EHBP1: variants seen among roughly 807,000 people sequenced by gnomAD.
The protein encoded by EHBP1 is EH domain-binding protein 1.
EHBP1 carries 55 observed loss-of-function variants against 144.0 expected under a neutral mutation model. The ratio of observed to expected loss-of-function variants is 0.38; its 90% CI spans 0.31 to 0.48. The LOEUF is 0.48. EHBP1 is among the 20% of genes least tolerant of loss of function. The pLI, the probability that EHBP1 is intolerant of heterozygous loss-of-function variation, is 0.98. For missense variants in EHBP1, 1,200 were observed against 1,364.2 expected (o/e 0.88, Z 1.90); for synonymous variants, 469 against 472.7 (o/e 0.99, Z 0.10).
upstream of EHBP1, among the ~76,000 whole-genome samples, chr2:62,701,626 G>C (rs1365139857): frequency 6.6e-6 from 1 of 152,138 alleles, no homozygotes; most frequent in Non-Finnish European, 1.5e-5. Flanking sequence ...ATCTTGGGGT[G>C]GGGTATAAGA....
chr2:62,825,354 A>T (rs1248736542), intron 5 of EHBP1, among the ~76,000 whole-genome samples: 3 of 152,080 alleles, frequency 2.0e-5, no homozygotes, highest in Non-Finnish European at 4.4e-5. Flanking sequence ...ATGGAATGTT[A>T]AGTACTTTTG....
Position 63,045,526 on chromosome 2 carries a change from C to T in EHBP1, c.*26C>T. 1 of 1,571,722 alleles carries T rather than the reference C, an allele frequency of 6.4e-7. No individual in the cohort carries two copies. The highest frequency in any genetic ancestry group is 8.7e-7 in the Non-Finnish European group (1 of 1,146,052). On this transcript the variant is annotated 3_prime_UTR_variant, in exon 23 of 23. Transcript: ENST00000431489. The surrounding 1 kb of genome is among the most constrained non-coding windows in gnomAD (Gnocchi z 5.7). The stretch of plus-strand genomic sequence containing the variant: ...CCATCAGATCAGAAAGAATCTCTCC[C>T]AACATTTTAGAGTCTTGCTTCCCAA...
At position 62,733,963 on chromosome 2, in the gene EHBP1, G is replaced by A. The variant is rs181256301; in HGVS notation, c.105-13432G>A. 5.9e-5 allele frequency among the ~76,000 whole-genome samples: 9 copies of A among 152,228 alleles called. No individual in the cohort carries two copies. The East Asian group carries it at 1.7e-3, about 29-fold the overall frequency. On this transcript the variant is annotated intron_variant, in intron 2 of 22. Transcript: ENST00000431489. The stretch of plus-strand genomic sequence containing the variant: ...TGTCTGCCTTTCACTCCAGTTTTGG[G>A]GGTAGTGATTTGCCCTGTGACCTCA...
chr2:62,968,617 A>T (rs753350059), intron 14 of EHBP1, among the ~76,000 whole-genome samples: 2 of 152,200 alleles, frequency 1.3e-5, no homozygotes, highest in Non-Finnish European at 2.9e-5. Context: ...AGAACACTTT[A>T]ACACAAATAC....
intron 7 of EHBP1, among the ~76,000 whole-genome samples, chr2:62,847,162 C>G (rs950871262): frequency 6.6e-6 from 1 of 152,218 alleles, no homozygotes; most frequent in South Asian, 2.1e-4. Flanking sequence ...GAAATATACC[C>G]AAGCTTGGCC....
chr2:62,993,733 G>C, intron 17 of EHBP1, 65 bp downstream of exon 17: 4 of 739,766 alleles, frequency 5.4e-6, no homozygotes, highest in Non-Finnish European at 5.6e-6. Context: ...TCTATATATA[G>C]TATATATATA....
rs182516407 is a variant in EHBP1, at chr2:62,708,614, C to T, written c.104+1319C>T. 2.1e-3 allele frequency among the ~76,000 whole-genome samples: 316 copies of T among 152,224 alleles called. 2 individuals are homozygous for T. The highest frequency in any genetic ancestry group is 4.0e-3 in the Admixed American group (61 of 15,286). ...GTTAATACATTTAAAATGCTTGGAA[C>T]AGTGTCAGGGACATAGTGCCTAATA... On this transcript the variant is annotated intron_variant, in intron 2 of 22. Coordinates refer to ENST00000431489, the MANE Select transcript of EHBP1 (RefSeq NM_001142616.3).
At chr2:62,847,533 T>C (rs1009569481) in intron 7 of EHBP1, among the ~76,000 whole-genome samples, 6 of 152,090 alleles carry the variant, frequency 3.9e-5, no homozygotes, top group Non-Finnish European at 8.8e-5. Context: ...CTTACACTAA[T>C]CAAAATAGAT....
intron 14 of EHBP1, among the ~76,000 whole-genome samples, chr2:62,963,121 C>A (rs2058077250): frequency 6.6e-6 from 1 of 152,210 alleles, no homozygotes; most frequent in South Asian, 2.1e-4. Flanking sequence ...TCTTAGTTAA[C>A]TGCTAAGACC....
chr2:62,752,385 T>A (rs896685250), intron 3 of EHBP1, among the ~76,000 whole-genome samples: 8 of 152,100 alleles, frequency 5.3e-5, no homozygotes, highest in Admixed American at 3.3e-4. Context: ...TGCTGAGGAG[T>A]GCTTTACTTC....
At chr2:62,778,939 C>T in intron 5 of EHBP1, among the ~76,000 whole-genome samples, 1 of 151,826 alleles carries the variant, frequency 6.6e-6, no homozygotes, top group South Asian at 2.1e-4. Flanking sequence ...ATATCTTTTT[C>T]AGAAACTGTA....
intron 19 of EHBP1, among the ~76,000 whole-genome samples, chr2:63,033,988 C>G (rs2061365439): frequency 6.6e-6 from 1 of 151,988 alleles, no homozygotes; most frequent in Admixed American, 6.6e-5. Flanking sequence ...ACAAATCATA[C>G]TCCAGCTGCA....
intron 2 of EHBP1, among the ~76,000 whole-genome samples, chr2:62,712,242 G>C (rs1300409171): frequency 2.0e-5 from 3 of 152,144 alleles, no homozygotes; most frequent in Non-Finnish European, 2.9e-5. Context: ...AGGGTACATG[G>C]GTAGAGAAGC....
chr2:62,689,366 GGT>G (rs745531131), intron 1 of EHBP1, among the ~76,000 whole-genome samples: 1 of 152,212 alleles, frequency 6.6e-6, no homozygotes, highest in Non-Finnish European at 1.5e-5. Context: ...TTTTAGGCTT[GGT>G]GTGGTGGCTC....
At chr2:62,684,566 C>CG (rs2033655404) in intron 1 of EHBP1, among the ~76,000 whole-genome samples, 1 of 152,208 alleles carries the variant, frequency 6.6e-6, no homozygotes, top group Non-Finnish European at 1.5e-5. Flanking sequence ...GCACATGAAG[C>CG]GGGCACTGGC....
At chr2:62,750,460 A>G (rs2039580932) in intron 3 of EHBP1, among the ~76,000 whole-genome samples, 2 of 152,114 alleles carry the variant, frequency 1.3e-5, no homozygotes, top group South Asian at 2.1e-4. Context: ...TTGTCTTGGC[A>G]ATGCAGGCTC....
intron 10 of EHBP1, among the ~76,000 whole-genome samples, chr2:62,911,370 CTTAT>C (rs1307949755): frequency 2.0e-5 from 3 of 152,184 alleles, no homozygotes; most frequent in Non-Finnish European, 4.4e-5. Flanking sequence ...CTTGTTGTTA[CTTAT>C]TTGTTTTAGA....
intron 7 of EHBP1, among the ~76,000 whole-genome samples, chr2:62,838,623 A>G (rs2047510602): frequency 6.6e-6 from 1 of 151,118 alleles, no homozygotes; most frequent in African/African-American, 2.4e-5. Flanking sequence ...AAGAGAGAAG[A>G]ATCAAATAGA....
chr2:62,947,198 G>T (rs934640125), intron 12 of EHBP1, among the ~76,000 whole-genome samples: 1 of 152,146 alleles, frequency 6.6e-6, no homozygotes, highest in African/African-American at 2.4e-5. Flanking sequence ...GAAGCCTAGT[G>T]CTGTGAAAAT....
Sources: gnomAD v4.1 joint callset for allele counts (sites outside exome capture counted in the v4.1 genomes callset) on GRCh38, gnomAD v4.1.1 for gene constraint, Gnocchi (gnomAD v3.1) non-coding constraint, MANE v1.5 for transcripts, NCBI Gene and HGNC (gene_info 2026-07-23, HGNC 2026-07-21) for gene names.